The following IGF2R variants were observed in gnomAD, a reference collection of about 807,000 sequenced individuals.
The protein encoded by IGF2R is cation-independent mannose-6-phosphate receptor.
IGF2R carries 91 observed loss-of-function variants against 270.6 expected under a neutral mutation model. That is an observed-to-expected ratio of 0.34 (90% CI 0.28 to 0.40). The LOEUF (loss-of-function observed/expected upper bound fraction) is 0.40. Among genes scored for constraint, IGF2R ranks in the 10% least tolerant of loss-of-function variants. The pLI, the probability that IGF2R is intolerant of heterozygous loss-of-function variation, is 1.00. For missense variants in IGF2R, 2,805 were observed against 3,188.3 expected, an observed-to-expected ratio of 0.88 and a Z score of 2.90; for synonymous variants, 1,316 against 1,258.9, an observed-to-expected ratio of 1.05 and a Z score of -0.96.
chr6:160,091,915 T>C (rs1779235681), intron 44 of IGF2R, among the ~76,000 whole-genome samples: 1 of 152,224 alleles, frequency 6.6e-6, no homozygotes, highest in African/African-American at 2.4e-5. Context: ...CTCCTACACA[T>C]GCCTCAGCCA....
chr6:160,011,551 G>GTTTTTTTT (rs546686832), intron 4 of IGF2R, among the ~76,000 whole-genome samples: 3 of 119,692 alleles, frequency 2.5e-5, no homozygotes, highest in East Asian at 2.4e-4. Flanking sequence ...CACATATTTC[G>GTTTTTTTT]TTTTTTTTTT....
At chr6:159,995,209 A>G (rs1200233252) in intron 2 of IGF2R, among the ~76,000 whole-genome samples, 7 of 149,374 alleles carry the variant, frequency 4.7e-5, no homozygotes, top group Non-Finnish European at 1.0e-4. Context: ...TTTCTTTTTT[A>G]ACTATTATTG....
intron 1 of IGF2R, among the ~76,000 whole-genome samples, chr6:159,975,741 A>ATT (rs1562328880): frequency 6.8e-6 from 1 of 146,478 alleles, no homozygotes; most frequent in Non-Finnish European, 1.5e-5. Context: ...AAGCATATTT[A>ATT]TTATATATAT....
chr6:160,060,445 C>G, intron 22 of IGF2R, 102 bp from the exon 23 acceptor site: 1 of 1,151,656 alleles, frequency 8.7e-7, no homozygotes, highest in East Asian at 2.4e-5. Context: ...GGCTGTGAAG[C>G]TTGTTGCCAG....
intron 29 of IGF2R, among the ~76,000 whole-genome samples, chr6:160,065,678 T>C (rs1259692472): frequency 6.6e-6 from 1 of 151,856 alleles, no homozygotes; most frequent in African/African-American, 2.4e-5. Flanking sequence ...TTAGCAGTTC[T>C]CTTTCTGCCA....
chr6:160,083,209 A>T lies in IGF2R; in HGVS notation c.5834-741A>T, dbSNP rs554617565. 1.6e-3 allele frequency among the ~76,000 whole-genome samples: 238 copies of T among 152,370 alleles called. 1 individual carries two copies. Among genetic ancestry groups the T allele is most frequent in the Non-Finnish European group, 4.1e-4 (28 of 68,044 alleles). On this transcript the variant is annotated intron_variant, in intron 39 of 47. Coordinates refer to ENST00000356956, the MANE Select transcript of IGF2R (RefSeq NM_000876.4). ...AAGAATCTATATCATAATTAAGTTTAAGGGATGGTACTATGCCTGGACATG... is the reference window on the plus strand; with the variant it reads ...AAGAATCTATATCATAATTAAGTTTTAGGGATGGTACTATGCCTGGACATG...
At chr6:160,093,692 A>G (rs758290263) in intron 44 of IGF2R, 1 of 756,394 alleles carries the variant, frequency 1.3e-6, no homozygotes, top group Non-Finnish European at 2.5e-6. Flanking sequence ...CATTGAGGAT[A>G]ATGAAAAGAG....
At chr6:160,079,077 C>T (rs546291617) in intron 37 of IGF2R, among the ~76,000 whole-genome samples, 3 of 152,324 alleles carry the variant, frequency 2.0e-5, no homozygotes, top group African/African-American at 7.2e-5. Flanking sequence ...CAGGTGTCAA[C>T]ACCCTGGCTC....
At chr6:160,024,272 G>T (rs1476734249) in intron 4 of IGF2R, among the ~76,000 whole-genome samples, 3 of 152,174 alleles carry the variant, frequency 2.0e-5, no homozygotes, top group African/African-American at 7.2e-5. Context: ...AAGGACGTTT[G>T]TGAGGTGGTA....
intron 4 of IGF2R, among the ~76,000 whole-genome samples, chr6:160,022,931 G>T (rs78154673): frequency 6.6e-6 from 1 of 152,224 alleles, no homozygotes; most frequent in Non-Finnish European, 1.5e-5. Context: ...CAGGAGGGTA[G>T]AATTGCATCA....
chr6:160,033,089 A>T lies in IGF2R; in HGVS notation c.1193A>T (p.Tyr398Phe), dbSNP rs200137298. The change falls in exon 9 of 48, where the codon TAC becomes TTC. Residue 398 changes from tyrosine (Y) to phenylalanine (F), a missense_variant. Around this residue, in one of 2 missense-constraint regions of IGF2R, gnomAD observed 954 missense variants for 981.1 expected, o/e 0.97. Transcript: ENST00000356956. ...TCTCAAGTCAAAGCAGCAGGAAGAT[A>T]CCACAATCAGACCCTCCGGTACGTC... ...DTSQVKAAGR[Y>F]HNQTLRYSDG... The T allele has an allele frequency of 1.2e-6, 2 of 1,613,206 alleles. No individual in the cohort carries two copies. Among genetic ancestry groups the T allele is most frequent in the East Asian group, 4.5e-5 (2 of 44,880 alleles).
chr6:160,028,790 G>C (rs914148594), intron 6 of IGF2R, among the ~76,000 whole-genome samples: 4 of 150,296 alleles, frequency 2.7e-5, no homozygotes, highest in African/African-American at 9.8e-5. Flanking sequence ...TGATTGACTA[G>C]CCTTGTGGGC....
chr6:160,031,986 G>T (rs993237813), intron 7 of IGF2R, among the ~76,000 whole-genome samples: 1 of 152,228 alleles, frequency 6.6e-6, no homozygotes, highest in Admixed American at 6.5e-5. Flanking sequence ...AATCGGGTTT[G>T]TGTCTGGGTG....
At chr6:160,002,606 T>G (rs965870956) in intron 2 of IGF2R, among the ~76,000 whole-genome samples, 1 of 152,214 alleles carries the variant, frequency 6.6e-6, no homozygotes, top group African/African-American at 2.4e-5. Context: ...ACCTTTGCAG[T>G]TCAACTGCAT....
chr6:159,980,035 G>A (rs1286773242), intron 1 of IGF2R, among the ~76,000 whole-genome samples: 1 of 152,028 alleles, frequency 6.6e-6, no homozygotes, highest in African/African-American at 2.4e-5. Flanking sequence ...AAAAATCTTA[G>A]ATGGGCGCGG....
chr6:160,073,785 C>T lies in IGF2R; in HGVS notation c.4976C>T (p.Ser1659Phe), dbSNP rs762574894. 6.8e-6 allele frequency: 11 copies of T among 1,614,018 alleles called. No individual in the cohort carries two copies. The highest frequency in any genetic ancestry group is 9.3e-6 in the Non-Finnish European group (11 of 1,179,998). Residue 1659 changes from serine to phenylalanine, a missense_variant, in exon 35 of 48, where the codon TCT becomes TTT. This residue lies in a region of IGF2R where 1,851 missense variants were observed against 2,207.2 expected (regional missense o/e 0.84). Coordinates refer to ENST00000356956, the MANE Select transcript of IGF2R (RefSeq NM_000876.4). ...ATECSVRNGSSIVDLSPLIHR... is the reference protein window; with the variant it reads ...ATECSVRNGSFIVDLSPLIHR... ...GAATGTTCCGTGAGGAATGGAAGCT[C>T]TATTGTTGACTTGTCTCCCCTTATT...
chr6:160,048,606 G>A (rs1778123837), intron 18 of IGF2R, 63 bp downstream of exon 18: 1 of 1,538,380 alleles, frequency 6.5e-7, no homozygotes, highest in Middle Eastern at 1.8e-4. Context: ...GTGGGAGGAG[G>A]TGGTTATTCT....
At chr6:159,984,998 T>C (rs778928090) in intron 1 of IGF2R, among the ~76,000 whole-genome samples, 66 of 152,244 alleles carry the variant, frequency 4.3e-4, no homozygotes, top group Admixed American at 3.9e-4. Context: ...ACCGTATTCC[T>C]GGTTCCAGGC....
At chr6:160,040,045 G>A (rs1266562567) in intron 10 of IGF2R, among the ~76,000 whole-genome samples, 1 of 152,156 alleles carries the variant, frequency 6.6e-6, no homozygotes, top group Admixed American at 6.5e-5. Flanking sequence ...CACTGGGAGC[G>A]ACTGACTATA....
Sources: allele counts gnomAD v4.1 joint callset (sites outside exome capture counted in the v4.1 genomes callset), GRCh38; gene constraint gnomAD v4.1.1; regional missense constraint gnomAD v4.1.1; transcripts MANE v1.5; gene names NCBI Gene and HGNC (gene_info 2026-07-23, HGNC 2026-07-21).